IL4I1: variants seen among roughly 807,000 people sequenced by gnomAD.
IL4I1 encodes interleukin 4 induced 1.
A neutral mutation model predicts 29.7 loss-of-function variants in IL4I1; 24 were observed. The observed-to-expected ratio is 0.81, with a 90% CI of 0.59 to 1.14. IL4I1 has a LOEUF of 1.14. Among genes scored for constraint, IL4I1 ranks in the 50% most tolerant of loss-of-function variants. IL4I1 has a pLI of 0.00. For synonymous variants in IL4I1, 371 were observed against 352.5 expected (o/e 1.05, Z -0.59); for missense variants, 686 against 785.6 (o/e 0.87, Z 1.52).
intron 2 of IL4I1, chr19:49,909,035 A>G (rs368337692): frequency 3.7e-6 from 6 of 1,613,118 alleles, no homozygotes; most frequent in Non-Finnish European, 4.2e-6. Flanking sequence ...AGGTGCCTTT[A>G]AGCTGAAGCC....
intron 6 of IL4I1, 97 bp from the exon 7 acceptor site, chr19:49,891,204 T>G (rs1296620663): frequency 7.9e-6 from 12 of 1,528,226 alleles, no homozygotes; most frequent in African/African-American, 1.4e-5. Flanking sequence ...TGACATGTCC[T>G]TGGACCGTAG....
In IL4I1 at chr19:49,914,726, G is replaced by GTTTTTTTTTT. The variant is rs530372497; in HGVS notation, c.-227-10415_-227-10406dup. ...GATTCTTGTGCCACTCCAAGTCCCA[G>GTTTTTTTTTT]TTTTTTTTTTTTTTTTTTTTTTTTT... On this transcript the variant is annotated intron_variant, in intron 2 of 9. Transcript: ENST00000341114. Among the ~76,000 whole-genome samples the GTTTTTTTTTT allele has an allele frequency of 5.9e-3, 334 of 56,384 alleles. 65 individuals carry two copies. Among genetic ancestry groups the GTTTTTTTTTT allele is most frequent in the Non-Finnish European group, 7.2e-3 (224 of 31,316 alleles). 37.0% of individuals were successfully genotyped at this position (56,384 alleles called of 152,430 possible). A position where few individuals can be genotyped will look rare whatever the true frequency, so the allele number is the denominator to read the frequency against.
In IL4I1 at chr19:49,908,710, G is replaced by C. The variant is rs564436380; in HGVS notation, c.-227-4389C>G. 4.3e-5 allele frequency: 69 copies of C among 1,612,516 alleles called. No homozygotes were observed. The highest frequency in any genetic ancestry group is 1.8e-4 in the Admixed American group (11 of 60,004). ...GGCTGGTGATCTTTTCTCCATTCTC[G>C]ATCAGCGTGCGGTCCCAGGCGTTGA... On this transcript the variant is annotated intron_variant, in intron 2 of 9. Transcript: ENST00000341114.
At chr19:49,922,551 G>A (rs116261809) in intron 2 of IL4I1, among the ~76,000 whole-genome samples, 1,872 of 152,038 alleles carry the variant, frequency 0.012, 42 homozygotes, top group African/African-American at 0.043. Flanking sequence ...AATGAGGGCT[G>A]GGTTCCTTTT....
chr19:49,898,211 C>T (rs111519509), upstream of IL4I1, among the ~76,000 whole-genome samples: 3 of 152,266 alleles, frequency 2.0e-5, no homozygotes, highest in African/African-American at 7.2e-5. Context: ...GTCCCAACTA[C>T]TCAGGAGGCT....
chr19:49,913,125 C>CCGGG (rs2075519775), intron 2 of IL4I1: 1 of 152,402 alleles, frequency 6.6e-6, no homozygotes. Flanking sequence ...GAAAGGATGG[C>CCGGG]GGGGGAGAGG....
chr19:49,905,142 G>A (rs1041802494), intron 2 of IL4I1, among the ~76,000 whole-genome samples: 4 of 152,174 alleles, frequency 2.6e-5, no homozygotes, highest in African/African-American at 9.7e-5. Flanking sequence ...ATAACTATAA[G>A]AAAGCAATTA....
intron 2 of IL4I1, chr19:49,927,556 A>G (rs2075931728): frequency 1.3e-5 from 2 of 152,184 alleles, no homozygotes; most frequent in South Asian, 4.1e-4. Flanking sequence ...CACAGCCCCT[A>G]TAGGCCCAAG....
At chr19:49,908,863 G>T in intron 2 of IL4I1, 3 of 1,611,514 alleles carry the variant, frequency 1.9e-6, no homozygotes. Context: ...CTGCGCCAGG[G>T]CCAGGTGGAG....
chr19:49,908,146 C>A (rs775828349), intron 2 of IL4I1: 51 of 1,540,140 alleles, frequency 3.3e-5, no homozygotes, highest in Non-Finnish European at 4.3e-5. Flanking sequence ...AACAAACAAA[C>A]AAGTATCTTG....
chr19:49,910,170 C>T (rs1414759070), intron 2 of IL4I1, among the ~76,000 whole-genome samples: 2 of 152,246 alleles, frequency 1.3e-5, no homozygotes, highest in Middle Eastern at 3.4e-3. Flanking sequence ...CTTGGACCCA[C>T]CTCAGCCTGA....
At chr19:49,914,643 AGGGT>A (rs1456435087) in intron 2 of IL4I1, among the ~76,000 whole-genome samples, 1 of 147,528 alleles carries the variant, frequency 6.8e-6, no homozygotes, top group Admixed American at 6.8e-5. Flanking sequence ...TGTGAGAACC[AGGGT>A]TCTTTGCTGT....
At chr19:49,901,634 C>T (rs1485768927), upstream of IL4I1, 11 of 1,505,898 alleles carry the variant, frequency 7.3e-6, no homozygotes, top group Non-Finnish European at 9.8e-6. Flanking sequence ...GGTGGGGGCA[C>T]TCACTGCATG....
intron 3 of IL4I1, 117 bp downstream of exon 3, chr19:49,895,698 T>TGCCCCCACAAA: frequency 1.4e-6 from 1 of 705,418 alleles, no homozygotes; most frequent in African/African-American, 1.8e-5. Flanking sequence ...AGATAGCCTC[T>TGCCCCCACAAA]CCCCCCACAT....
At chr19:49,898,807 T>C (rs2075243713), upstream of IL4I1, among the ~76,000 whole-genome samples, 1 of 152,126 alleles carries the variant, frequency 6.6e-6, no homozygotes, top group Admixed American at 6.6e-5. Context: ...AGGCAGAGGT[T>C]GCAGTGAGCC....
At chr19:49,903,838 T>G (rs1048112718) in intron 3 of IL4I1, among the ~76,000 whole-genome samples, 10 of 140,148 alleles carry the variant, frequency 7.1e-5, no homozygotes, top group Non-Finnish European at 6.2e-5. Context: ...GGGTTTTTTT[T>G]TTTTTTTTTT....
chr19:49,893,579 T>C (rs1600468884), intron 5 of IL4I1, among the ~76,000 whole-genome samples: 1 of 151,960 alleles, frequency 6.6e-6, no homozygotes, highest in African/African-American at 2.4e-5. Flanking sequence ...CATGGATCTA[T>C]GTTTAAGCCA....
chr19:49,919,247 C>G (rs534046627), intron 2 of IL4I1, among the ~76,000 whole-genome samples: 2 of 152,322 alleles, frequency 1.3e-5, no homozygotes, highest in East Asian at 3.9e-4. Flanking sequence ...CCTGTCTTCC[C>G]TGAGTCCCAC....
In IL4I1 at chr19:49,909,244, C is replaced by T. The variant is rs750854194; in HGVS notation, c.-227-4923G>A. On this transcript the variant is annotated intron_variant, in intron 2 of 9. Coordinates refer to the IL4I1 transcript ENST00000341114. ...CTGCTGGCGTGGCCGGAGTGAAGGG[C>T]AACGTGGCAGGTGCCGTGGGCTGGG... 5.0e-6 allele frequency: 8 copies of T among 1,614,050 alleles called. No homozygotes were observed. The highest frequency in any genetic ancestry group is 2.2e-5 in the East Asian group (1 of 44,876).
Sources: gnomAD v4.1 joint callset for allele counts (sites outside exome capture counted in the v4.1 genomes callset) on GRCh38, gnomAD v4.1.1 for gene constraint, MANE v1.5 for transcripts, NCBI Gene and HGNC (gene_info 2026-07-23, HGNC 2026-07-21) for gene names.